Variants in TMC2 observed in about 807,000 individuals in gnomAD.
The protein encoded by TMC2 is transmembrane channel-like protein 2.
TMC2 carries 102 observed loss-of-function variants against 105.9 expected under a neutral mutation model. The observed-to-expected ratio is 0.96, with a 90% CI of 0.82 to 1.14. TMC2 has a LOEUF of 1.14. Ranked by LOEUF, TMC2 falls within the 50% of genes most tolerant of loss-of-function variation. The pLI, the probability that TMC2 is intolerant of heterozygous loss-of-function variation, is 0.00. For missense variants in TMC2, 1,093 were observed against 1,134.3 expected, an observed-to-expected ratio of 0.96 and a Z score of 0.52; for synonymous variants, 402 against 422.8, an observed-to-expected ratio of 0.95 and a Z score of 0.60.
rs67659988 is a variant in TMC2 at position 2,560,836 on chromosome 20, CAA to C, written c.402-1006_402-1005del. On this transcript the variant is annotated intron_variant, in intron 3 of 19. Transcript: ENST00000358864. The stretch of plus-strand genomic sequence containing the variant: ...TGGGCCACAGAGCAAGACTCCATCT[CAA>C]AAAAAAAAAAAAAAATGGAGTCAGA... Among the ~76,000 whole-genome samples the C allele has an allele frequency of 4.8e-3, 600 of 126,080 alleles. 1 individual carries two copies. Among genetic ancestry groups the C allele is most frequent in the African/African-American group, 0.012 (399 of 33,994 alleles). The allele number at this position is 126,080 out of a possible 152,430, so 82.7% of individuals were successfully genotyped here.
intron 2 of TMC2, among the ~76,000 whole-genome samples, chr20:2,554,309 G>A (rs1296366696): frequency 1.3e-5 from 2 of 152,060 alleles, no homozygotes; most frequent in South Asian, 2.1e-4. Flanking sequence ...AAAATAAATC[G>A]ATAAATAATG....
At chr20:2,633,014 G>A (rs552675233) in intron 17 of TMC2, among the ~76,000 whole-genome samples, 5 of 152,310 alleles carry the variant, frequency 3.3e-5, no homozygotes, top group South Asian at 2.1e-4. Flanking sequence ...AATTGTTGTC[G>A]TTATTGTTGT....
intron 17 of TMC2, among the ~76,000 whole-genome samples, chr20:2,630,546 G>A (rs2086596280): frequency 6.6e-6 from 1 of 152,052 alleles, no homozygotes; most frequent in South Asian, 2.1e-4. Context: ...TTTTGGCTGG[G>A]TGTGGTGGCT....
chr20:2,579,113 A>T, intron 5 of TMC2, 33 bp from the exon 6 acceptor site: 1 of 1,245,176 alleles, frequency 8.0e-7, no homozygotes, highest in Non-Finnish European at 1.2e-6. Flanking sequence ...TTGACATGTT[A>T]AGGAACTGAG....
intron 2 of TMC2, among the ~76,000 whole-genome samples, chr20:2,546,462 TA>T (rs1302810968): frequency 1.4e-4 from 11 of 76,526 alleles, no homozygotes; most frequent in African/African-American, 5.4e-4. Context: ...GAATATTGAT[TA>T]TAGAGTAGTA....
At chr20:2,583,025 T>C (rs1221093661) in intron 7 of TMC2, among the ~76,000 whole-genome samples, 1 of 152,198 alleles carries the variant, frequency 6.6e-6, no homozygotes, top group Non-Finnish European at 1.5e-5. Context: ...ACTGGATGTA[T>C]GTGAAAATCA....
chr20:2,641,075 C>G, intron 19 of TMC2, 59 bp from the exon 20 acceptor site: 1 of 1,503,574 alleles, frequency 6.7e-7, no homozygotes, highest in Non-Finnish European at 9.2e-7. Context: ...CCAGAGAGCT[C>G]CAATCCAACC....
chr20:2,590,689 C>T (rs1203809256), intron 7 of TMC2, among the ~76,000 whole-genome samples: 2 of 151,916 alleles, frequency 1.3e-5, no homozygotes, highest in Non-Finnish European at 2.9e-5. Context: ...ACATCTTATA[C>T]ACTTCGTACA....
chr20:2,571,680 G>A (rs1600106277), intron 4 of TMC2, among the ~76,000 whole-genome samples: 1 of 152,154 alleles, frequency 6.6e-6, no homozygotes, highest in Admixed American at 6.6e-5. Context: ...CCATGCAGAT[G>A]ACCCAGAATA....
intron 2 of TMC2, among the ~76,000 whole-genome samples, chr20:2,538,851 T>A (rs1176259788): frequency 6.6e-6 from 1 of 152,190 alleles, no homozygotes; most frequent in Non-Finnish European, 1.5e-5. Flanking sequence ...GGTTTCCATT[T>A]TAAATCTCCT....
intron 2 of TMC2, among the ~76,000 whole-genome samples, chr20:2,557,082 T>C (rs534489551): frequency 5.3e-5 from 8 of 152,204 alleles, no homozygotes; most frequent in Non-Finnish European, 1.0e-4. Flanking sequence ...TTATCCTGCT[T>C]GATGTTCTCT....
intron 7 of TMC2, among the ~76,000 whole-genome samples, chr20:2,588,691 T>TGTGTGTG (rs2086247311): frequency 7.0e-6 from 1 of 143,480 alleles, no homozygotes; most frequent in Non-Finnish European, 1.5e-5. Context: ...GCATGTGTCT[T>TGTGTGTG]TGTGTGTGTG....
At chr20:2,540,869 C>T (rs1301984393) in intron 2 of TMC2, among the ~76,000 whole-genome samples, 1 of 152,152 alleles carries the variant, frequency 6.6e-6, no homozygotes, top group Non-Finnish European at 1.5e-5. Flanking sequence ...CCCCAGCAAA[C>T]ATGCTCCATT....
At chr20:2,599,269 A>AAATG (rs1287758519) in intron 10 of TMC2, among the ~76,000 whole-genome samples, 18 of 150,342 alleles carry the variant, frequency 1.2e-4, no homozygotes, top group Non-Finnish European at 2.5e-4. Context: ...CTCTGGCTCA[A>AAATG]AATGAATGAA....
intron 4 of TMC2, among the ~76,000 whole-genome samples, chr20:2,569,128 G>T (rs1031651654): frequency 1.3e-5 from 2 of 152,130 alleles, no homozygotes; most frequent in African/African-American, 4.8e-5. Flanking sequence ...AGGAGGAGGA[G>T]CCCTGGTCAT....
chr20:2,613,526 A>T, intron 14 of TMC2: 1 of 641,308 alleles, frequency 1.6e-6, no homozygotes, highest in Non-Finnish European at 2.6e-6. Flanking sequence ...TTCCCAGTGT[A>T]ATGAACAATG....
At position 2,607,514 on chromosome 20, in the gene TMC2, T is replaced by C. The variant is rs2086402808; in HGVS notation, c.1414-2905T>C. ...AGAATGACCTTGCACTCACCTATTATTGGACCGAGCAGAGTTCCTCACAGT... is the reference window on the plus strand; with the variant it reads ...AGAATGACCTTGCACTCACCTATTACTGGACCGAGCAGAGTTCCTCACAGT... On this transcript the variant is annotated intron_variant, in intron 11 of 19. Transcript: ENST00000358864. Among the ~76,000 whole-genome samples the C allele has an allele frequency of 2.0e-5, 3 of 152,242 alleles. No homozygotes were observed. In the South Asian group the frequency reaches 6.2e-4, roughly 32 times the overall value.
intron 2 of TMC2, among the ~76,000 whole-genome samples, chr20:2,540,836 G>T (rs1026958773): frequency 6.6e-6 from 1 of 152,036 alleles, no homozygotes; most frequent in Non-Finnish European, 1.5e-5. Flanking sequence ...TGTTGCTAGT[G>T]TGACCCTTTG....
chr20:2,541,646 C>CAA (rs765976017), intron 2 of TMC2, among the ~76,000 whole-genome samples: 6 of 76,956 alleles, frequency 7.8e-5, no homozygotes, highest in African/African-American at 2.8e-4. Flanking sequence ...GTCTCAAAAC[C>CAA]AAAAAAAAAA....
Sources: gnomAD v4.1 joint callset for allele counts (sites outside exome capture counted in the v4.1 genomes callset) on GRCh38, gnomAD v4.1.1 for gene constraint, MANE v1.5 for transcripts, NCBI Gene and HGNC (gene_info 2026-07-23, HGNC 2026-07-21) for gene names.